RASAL2: variants seen among roughly 807,000 people sequenced by gnomAD.
RASAL2 encodes the protein RAS protein activator like 2, also known as ras GTPase-activating protein nGAP.
RASAL2 carries 58 observed loss-of-function variants against 128.9 expected under a neutral mutation model. The observed-to-expected ratio is 0.45, with a 90% confidence interval of 0.36 to 0.56. RASAL2 has a LOEUF of 0.56. RASAL2 is among the 20% of genes least tolerant of loss of function. The pLI is 0.00. For missense variants in RASAL2, 1,360 were observed against 1,601.6 expected (o/e 0.85, Z 2.57); for synonymous variants, 561 against 580.8 (o/e 0.97, Z 0.49).
intron 3 of RASAL2, among the ~76,000 whole-genome samples, chr1:178,353,128 T>C (rs1670605600): frequency 6.6e-6 from 1 of 152,232 alleles, no homozygotes; most frequent in South Asian, 2.1e-4. Flanking sequence ...CTGCTTGAAT[T>C]CCTCCCCTGA....
intron 3 of RASAL2, among the ~76,000 whole-genome samples, chr1:178,364,803 A>G (rs541024678): frequency 6.6e-6 from 1 of 152,324 alleles, no homozygotes; most frequent in Admixed American, 6.5e-5. Flanking sequence ...ATATAACTTT[A>G]TATTAAAGAA....
At chr1:178,438,897 G>C (rs968247558) in intron 5 of RASAL2, among the ~76,000 whole-genome samples, 6 of 148,948 alleles carry the variant, frequency 4.0e-5, no homozygotes, top group African/African-American at 1.2e-4. Flanking sequence ...GTGTGTGTGT[G>C]TGTGTGTGTG....
intron 1 of RASAL2, among the ~76,000 whole-genome samples, chr1:178,099,758 C>G (rs1191306162): frequency 6.6e-6 from 1 of 151,792 alleles, no homozygotes; most frequent in Admixed American, 6.6e-5. Context: ...GTCAGGAGTT[C>G]AAGACCAGCC....
chr1:178,464,841 T>TTTTTTTTTTTTTTTTTC (rs1647506112), intron 15 of RASAL2, among the ~76,000 whole-genome samples: 1 of 143,670 alleles, frequency 7.0e-6, no homozygotes, highest in Non-Finnish European at 1.5e-5. Flanking sequence ...GTTTTTTTTT[T>TTTTTTTTTTTTTTTTTC]TTTTTTTTTT....
intron 7 of RASAL2, 134 bp from the exon 8 acceptor site, chr1:178,442,541 T>G: frequency 4.8e-5 from 32 of 668,300 alleles, no homozygotes; most frequent in Middle Eastern, 3.9e-4. Flanking sequence ...ACCTAAGCAA[T>G]GAGATAGCAA....
intron 1 of RASAL2, among the ~76,000 whole-genome samples, chr1:178,120,394 C>T (rs1659673044): frequency 6.6e-6 from 1 of 152,140 alleles, no homozygotes; most frequent in Non-Finnish European, 1.5e-5. Flanking sequence ...CTAGAGTTAG[C>T]TTGTGGGCTT....
chr1:178,389,183 A>C (rs1672752375), intron 3 of RASAL2: 1 of 673,458 alleles, frequency 1.5e-6, no homozygotes, highest in Non-Finnish European at 1.8e-6. Context: ...GATAACACAG[A>C]ATACTTTTTT....
chr1:178,449,719 T>C (rs532558688), intron 9 of RASAL2, among the ~76,000 whole-genome samples: 1 of 152,280 alleles, frequency 6.6e-6, no homozygotes, highest in East Asian at 1.9e-4. Context: ...GTTAAAGTAT[T>C]ATTTTTCTAT....
intron 1 of RASAL2, among the ~76,000 whole-genome samples, chr1:178,240,007 TAAAAC>T (rs1192906805): frequency 6.6e-6 from 1 of 152,064 alleles, no homozygotes; most frequent in Non-Finnish European, 1.5e-5. Context: ...TAGCCTATAA[TAAAAC>T]ATAAAATATT....
At chr1:178,360,550 C>G (rs1671051866) in intron 3 of RASAL2, among the ~76,000 whole-genome samples, 1 of 152,198 alleles carries the variant, frequency 6.6e-6, no homozygotes, top group Non-Finnish European at 1.5e-5. Flanking sequence ...CTACTTAGCT[C>G]ATAGTAATCA....
chr1:178,272,202 G>A (rs975711916), intron 1 of RASAL2, among the ~76,000 whole-genome samples: 1 of 152,064 alleles, frequency 6.6e-6, no homozygotes, highest in African/African-American at 2.4e-5. Context: ...CGAGGCTTGA[G>A]TACAGTGCTT....
At chr1:178,450,252 G>C (rs2300300) in intron 9 of RASAL2, among the ~76,000 whole-genome samples, 27,332 of 152,028 alleles carry the variant, frequency 0.18, 3,071 homozygotes, top group African/African-American at 0.32. Context: ...CATGCATTAT[G>C]TCTGTTCCTC....
intron 1 of RASAL2, among the ~76,000 whole-genome samples, chr1:178,151,235 G>T (rs1485882565): frequency 2.0e-5 from 3 of 152,044 alleles, no homozygotes; most frequent in African/African-American, 7.2e-5. Flanking sequence ...GTGAAACCCT[G>T]TCTCTACTAA....
intron 1 of RASAL2, among the ~76,000 whole-genome samples, chr1:178,130,374 T>C (rs926549003): frequency 2.6e-5 from 4 of 152,242 alleles, no homozygotes; most frequent in African/African-American, 9.6e-5. Flanking sequence ...TGCCCTGAAA[T>C]ATCCCCCTGG....
intron 1 of RASAL2, among the ~76,000 whole-genome samples, chr1:178,244,683 C>T (rs1664687828): frequency 6.6e-6 from 1 of 152,146 alleles, no homozygotes; most frequent in Non-Finnish European, 1.5e-5. Context: ...ATGTTTTAAG[C>T]CCCACATGCG....
At chr1:178,444,200 TAA>T (rs1382556737) in intron 8 of RASAL2, among the ~76,000 whole-genome samples, 2 of 152,160 alleles carry the variant, frequency 1.3e-5, no homozygotes, top group African/African-American at 4.8e-5. Context: ...GAATATACAT[TAA>T]GACTTTTTTA....
At chr1:178,120,614 A>G (rs1371179165) in intron 1 of RASAL2, among the ~76,000 whole-genome samples, 1 of 152,174 alleles carries the variant, frequency 6.6e-6, no homozygotes, top group Middle Eastern at 3.2e-3. Context: ...GTCACTTGCC[A>G]CTTACTGATA....
intron 3 of RASAL2, among the ~76,000 whole-genome samples, chr1:178,325,326 A>G (rs1668986371): frequency 6.6e-6 from 1 of 152,208 alleles, no homozygotes; most frequent in Admixed American, 6.5e-5. Flanking sequence ...TAGAGGAAAG[A>G]TAATTATCAG....
At chr1:178,138,541 G>C (rs969307963) in intron 1 of RASAL2, among the ~76,000 whole-genome samples, 3 of 152,016 alleles carry the variant, frequency 2.0e-5, no homozygotes, top group Non-Finnish European at 2.9e-5. Context: ...AACCTTGAAC[G>C]AGCTGTATAA....
Sources: gnomAD v4.1 joint callset for allele counts (sites outside exome capture counted in the v4.1 genomes callset) on GRCh38, gnomAD v4.1.1 for gene constraint, MANE v1.5 for transcripts, NCBI Gene and HGNC (gene_info 2026-07-23, HGNC 2026-07-21) for gene names.